TOX3: variants seen among roughly 807,000 people sequenced by gnomAD.
The protein encoded by TOX3 is TOX high mobility group box family member 3, also known as CAG trinucleotide repeat-containing gene F9 protein.
TOX3 carries 22 observed loss-of-function variants against 64.3 expected under a neutral mutation model. That is an observed-to-expected ratio of 0.34 (90% CI 0.24 to 0.49). The LOEUF (loss-of-function observed/expected upper bound fraction) is 0.49, where lower values mean the gene tolerates loss of function less well. Among genes scored for constraint, TOX3 ranks in the 20% least tolerant of loss-of-function variants. The probability of loss-of-function intolerance (pLI) is 0.99; values close to 1 mark genes in which losing one functional copy is unlikely to be tolerated. For synonymous variants in TOX3, 291 were observed against 273.6 expected, an observed-to-expected ratio of 1.06 and a Z score of -0.63; for missense variants, 661 against 714.4, an observed-to-expected ratio of 0.93 and a Z score of 0.85.
chr16:52,440,785 G>A (rs1236122611), intron 6 of TOX3, among the ~76,000 whole-genome samples: 2 of 116,296 alleles, frequency 1.7e-5, no homozygotes, highest in African/African-American at 6.4e-5. Flanking sequence ...TTTTGAGGTG[G>A]AGTCTCTCTC....
chr16:52,462,029 A>G (rs548082770), intron 3 of TOX3, among the ~76,000 whole-genome samples: 4 of 152,222 alleles, frequency 2.6e-5, no homozygotes, highest in African/African-American at 9.6e-5. Context: ...ATCCCATGAC[A>G]TTTCTTCAAG....
intron 1 of TOX3, among the ~76,000 whole-genome samples, chr16:52,544,689 A>T (rs1372952010): frequency 6.6e-6 from 1 of 152,212 alleles, no homozygotes; most frequent in Admixed American, 6.5e-5. Context: ...TCTGTTTTCA[A>T]GCTTTATATA....
chr16:52,495,157 A>C (rs1306224691), intron 1 of TOX3, among the ~76,000 whole-genome samples: 1 of 152,212 alleles, frequency 6.6e-6, no homozygotes, highest in Non-Finnish European at 1.5e-5. Context: ...CAATTGACAA[A>C]GCAATGTAAC....
chr16:52,511,378 G>A (rs1415503055), intron 1 of TOX3, among the ~76,000 whole-genome samples: 1 of 152,168 alleles, frequency 6.6e-6, no homozygotes, highest in Non-Finnish European at 1.5e-5. Context: ...TGTAATCCCA[G>A]CTACTCGGGA....
At chr16:52,476,450 A>T (rs1458658865) in intron 1 of TOX3, among the ~76,000 whole-genome samples, 1 of 152,170 alleles carries the variant, frequency 6.6e-6, no homozygotes, top group Non-Finnish European at 1.5e-5. Flanking sequence ...AGTGGATACT[A>T]AGGTTCCAGA....
chr16:52,523,822 G>T (rs1269503573), intron 1 of TOX3, among the ~76,000 whole-genome samples: 1 of 151,890 alleles, frequency 6.6e-6, no homozygotes, highest in African/African-American at 2.4e-5. Context: ...GCCTGTATTT[G>T]AATATAGCAT....
At chr16:52,489,551 C>A (rs527826278) in intron 1 of TOX3, among the ~76,000 whole-genome samples, 75 of 152,270 alleles carry the variant, frequency 4.9e-4, no homozygotes, top group African/African-American at 1.8e-3. Flanking sequence ...CACTCTAAGC[C>A]AGTGGTCTTA....
intron 1 of TOX3, among the ~76,000 whole-genome samples, chr16:52,531,986 G>GA (rs1474519294): frequency 2.0e-5 from 3 of 152,244 alleles, no homozygotes; most frequent in East Asian, 1.9e-4. Context: ...ATACGGCACT[G>GA]AAAAAAACAG....
chr16:52,513,137 G>T (rs1034637857), intron 1 of TOX3, among the ~76,000 whole-genome samples: 1 of 152,124 alleles, frequency 6.6e-6, no homozygotes, highest in Non-Finnish European at 1.5e-5. Context: ...AACACAAAAG[G>T]CTGAATAAAT....
At chr16:52,527,606 C>G (rs549156075) in intron 1 of TOX3, among the ~76,000 whole-genome samples, 2 of 152,140 alleles carry the variant, frequency 1.3e-5, no homozygotes, top group Non-Finnish European at 2.9e-5. Context: ...CTGAAACACG[C>G]GTAGATTATT....
intron 1 of TOX3, among the ~76,000 whole-genome samples, chr16:52,471,013 T>C (rs537398315): frequency 3.3e-5 from 5 of 152,332 alleles, no homozygotes; most frequent in African/African-American, 1.2e-4. Context: ...ATTGTCTTTC[T>C]CCTGCATAGG....
chr16:52,537,222 A>G (rs1962970431), intron 1 of TOX3, among the ~76,000 whole-genome samples: 2 of 152,082 alleles, frequency 1.3e-5, no homozygotes, highest in African/African-American at 4.8e-5. Context: ...TACACAGTTT[A>G]CTAGTACCTA....
At chr16:52,515,340 T>C (rs1962426967) in intron 1 of TOX3, among the ~76,000 whole-genome samples, 1 of 152,214 alleles carries the variant, frequency 6.6e-6, no homozygotes, top group Non-Finnish European at 1.5e-5. Context: ...TACTAGTTTT[T>C]CTTTGTTTGA....
At chr16:52,441,199 A>G (rs1428032957) in intron 6 of TOX3, among the ~76,000 whole-genome samples, 1 of 152,242 alleles carries the variant, frequency 6.6e-6, no homozygotes, top group African/African-American at 2.4e-5. Context: ...CTATTACCAG[A>G]AAATGGCCAC....
intron 3 of TOX3, among the ~76,000 whole-genome samples, chr16:52,456,530 C>T (rs371349079): frequency 1.1e-4 from 17 of 152,224 alleles, no homozygotes; most frequent in Non-Finnish European, 1.8e-4. Flanking sequence ...GAGTGCCTGG[C>T]GGAGGCTCGC....
intron 1 of TOX3, among the ~76,000 whole-genome samples, chr16:52,482,444 G>C (rs909605570): frequency 1.1e-4 from 17 of 152,072 alleles, no homozygotes; most frequent in Non-Finnish European, 2.4e-4. Context: ...TGACTCAACT[G>C]TATTTAGGCA....
intron 1 of TOX3, among the ~76,000 whole-genome samples, chr16:52,531,667 T>A (rs1213935646): frequency 1.3e-5 from 2 of 152,122 alleles, no homozygotes; most frequent in Non-Finnish European, 1.5e-5. Context: ...ATAGCAGTGA[T>A]AGGTAGATAC....
chr16:52,530,316 T>A (rs1567353072), intron 1 of TOX3, among the ~76,000 whole-genome samples: 1 of 149,192 alleles, frequency 6.7e-6, no homozygotes, highest in East Asian at 2.0e-4. Context: ...TCTGTTAACT[T>A]AGGGTTGAAC....
intron 6 of TOX3, among the ~76,000 whole-genome samples, chr16:52,441,034 T>A (rs762665338): frequency 1.4e-4 from 22 of 152,162 alleles, no homozygotes; most frequent in Non-Finnish European, 2.5e-4. Flanking sequence ...AGTGCTGTGA[T>A]TACAGGCGTG....
Sources: gnomAD v4.1 joint callset for allele counts (sites outside exome capture counted in the v4.1 genomes callset) on GRCh38, gnomAD v4.1.1 for gene constraint, MANE v1.5 for transcripts, NCBI Gene and HGNC (gene_info 2026-07-23, HGNC 2026-07-21) for gene names.